SPTBN1: variants seen among roughly 807,000 people sequenced by gnomAD.
The protein encoded by SPTBN1 is spectrin beta, non-erythrocytic 1, also known as spectrin beta chain, non-erythrocytic 1.
Under a neutral mutation model 266.4 loss-of-function variants are expected in SPTBN1, and 32 were observed. The observed-to-expected ratio is 0.12, with a 90% CI of 0.09 to 0.16. The LOEUF is 0.16. Among genes scored for constraint, SPTBN1 ranks in the 10% least tolerant of loss-of-function variants. The pLI is 1.00. For synonymous variants in SPTBN1, 1,336 were observed against 1,162.2 expected, an observed-to-expected ratio of 1.15 and a Z score of -3.04; for missense variants, 2,296 against 3,067.1, an observed-to-expected ratio of 0.75 and a Z score of 5.94.
At position 54,630,036 on chromosome 2, in the gene SPTBN1, A is replaced by G. The variant is rs754546301; in HGVS notation, c.2807+7A>G. The G allele has an allele frequency of 9.9e-6, 16 of 1,612,750 alleles. No homozygotes were observed. On this transcript the variant is annotated splice_region_variant and intron_variant, in intron 15 of 35. Transcript: ENST00000356805. The stretch of plus-strand genomic sequence containing the variant: ...AGGACAAACTCAACACAAGGTGAGC[A>G]CGTGGCCAGCAGTGTGCCAGCCTCC...
At chr2:54,544,973 G>T (rs1233923387) in intron 2 of SPTBN1, among the ~76,000 whole-genome samples, 2 of 152,118 alleles carry the variant, frequency 1.3e-5, no homozygotes, top group African/African-American at 4.8e-5. Context: ...TCCCCGCCCT[G>T]TGTGCATGTG....
In SPTBN1 at chr2:54,558,413, C is replaced by A; in HGVS notation, c.148+31847C>A. Reference sequence around the variant, plus strand: ...GGAGGAGGTGTGCGCGCTGCGCCCGCGAGCTCCCGGGCTCGGCAACCGTGG... The same window carrying A: ...GGAGGAGGTGTGCGCGCTGCGCCCGAGAGCTCCCGGGCTCGGCAACCGTGG... On this transcript the variant is annotated intron_variant, in intron 2 of 35. Coordinates refer to ENST00000356805, the MANE Select transcript of SPTBN1 (RefSeq NM_003128.3). The surrounding 1 kb of genome is among the most constrained non-coding windows in gnomAD (Gnocchi z 4.6). 1 of 1,017,432 alleles carries A rather than the reference C, an allele frequency of 9.8e-7. No homozygotes were observed. Among genetic ancestry groups the A allele is most frequent in the Non-Finnish European group, 1.2e-6 (1 of 850,938 alleles). 63.0% of individuals were successfully genotyped at this position (1,017,432 alleles called of 1,614,324 possible).
intron 1 of SPTBN1, among the ~76,000 whole-genome samples, chr2:54,497,326 G>A (rs111351650): frequency 6.7e-4 from 102 of 152,062 alleles, no homozygotes; most frequent in Non-Finnish European, 1.2e-3. Flanking sequence ...TTTATAACTG[G>A]AACATTTAGC....
intron 2 of SPTBN1, among the ~76,000 whole-genome samples, chr2:54,560,593 A>T (rs898906551): frequency 6.6e-6 from 1 of 152,216 alleles, no homozygotes. Context: ...ATTTTACCTC[A>T]TACGCTGTTT....
intron 2 of SPTBN1, among the ~76,000 whole-genome samples, chr2:54,576,386 A>T (rs1573450928): frequency 6.6e-6 from 1 of 152,034 alleles, no homozygotes; most frequent in Non-Finnish European, 1.5e-5. Context: ...GCTTTGGCCT[A>T]ATTAATAACT....
intron 2 of SPTBN1, among the ~76,000 whole-genome samples, chr2:54,536,635 A>G (rs1487233520): frequency 1.3e-5 from 2 of 152,246 alleles, no homozygotes; most frequent in Non-Finnish European, 2.9e-5. Flanking sequence ...GAAAAAAATC[A>G]TGCTTAGAAA....
chr2:54,509,963 T>C (rs1263251525), intron 1 of SPTBN1, among the ~76,000 whole-genome samples: 2 of 150,452 alleles, frequency 1.3e-5, no homozygotes, highest in Admixed American at 6.6e-5. Context: ...TTTCTTTTTT[T>C]TTTTTTTTTT....
chr2:54,647,150 C>T lies in SPTBN1; in HGVS notation c.4886C>T (p.Ser1629Phe), dbSNP rs1679977062. 1 of 1,614,056 alleles carries T rather than the reference C, an allele frequency of 6.2e-7. No individual in the cohort carries two copies. Among genetic ancestry groups the T allele is most frequent in the African/African-American group, 1.3e-5 (1 of 74,924 alleles). The part of the protein sequence containing the change: ...EKAKDEQSAV[S>F]MLKKHQILEQ... ...TTGCAGGATGAGCAGAGTGCTGTCT[C>T]CATGTTGAAGAAGCACCAGATCTTA... Residue 1629 changes from serine to phenylalanine, a missense_variant, in exon 24 of 36, where the codon TCC becomes TTC. Ser to Phe is a radical substitution (Grantham distance 155). This residue lies in a region of SPTBN1 where 644 missense variants were observed against 745.3 expected (regional missense o/e 0.86). Transcript: ENST00000356805.
At position 54,646,008 on chromosome 2, in the gene SPTBN1, G is replaced by A; in HGVS notation, c.4575G>A (p.Lys1525=). 1.2e-6 allele frequency: 2 copies of A among 1,614,176 alleles called. No individual in the cohort carries two copies. The highest frequency in any genetic ancestry group is 1.7e-6 in the Non-Finnish European group (2 of 1,180,032). Residue 1525 remains lysine, a synonymous_variant, in exon 22 of 36, where the codon AAG becomes AAA. Transcript: ENST00000356805. This position sits in a 1 kb window ranked among gnomAD's most constrained non-coding sequence, Gnocchi z 4.4. Reference sequence around the variant, plus strand: ...TCCAGACTGTGCAGCTGTTAATAAAGAAAAATCAGGTAAGCCTTTCTGCTC... The same window carrying A: ...TCCAGACTGTGCAGCTGTTAATAAAAAAAAATCAGGTAAGCCTTTCTGCTC... ...HNLQTVQLLI[K]KNQTLQKEIQ...
intron 2 of SPTBN1, among the ~76,000 whole-genome samples, chr2:54,585,908 A>T (rs933529324): frequency 6.6e-6 from 1 of 152,190 alleles, no homozygotes; most frequent in African/African-American, 2.4e-5. Context: ...ATAACCGTGG[A>T]TTGGGTCAGC....
In SPTBN1 at chr2:54,558,843, C is replaced by T. The variant is rs1156873811; in HGVS notation, c.148+32277C>T. On this transcript the variant is annotated intron_variant, in intron 2 of 35. Transcript: ENST00000356805. The surrounding 1 kb of genome is among the most constrained non-coding windows in gnomAD (Gnocchi z 4.6). ...TCGCCGGCGTACACGGGGCAGGTGCCTTACAACTACAACCAGCTGGAAGGC... is the reference window on the plus strand; with the variant it reads ...TCGCCGGCGTACACGGGGCAGGTGCTTTACAACTACAACCAGCTGGAAGGC... 2.5e-6 allele frequency: 4 copies of T among 1,613,784 alleles called. No individual in the cohort carries two copies. In the African/African-American group the frequency reaches 4.0e-5, roughly 16 times the overall value.
At chr2:54,495,308 A>T (rs1270436565) in intron 1 of SPTBN1, among the ~76,000 whole-genome samples, 1 of 152,188 alleles carries the variant, frequency 6.6e-6, no homozygotes, top group African/African-American at 2.4e-5. Flanking sequence ...CTCTGGGAAG[A>T]TGAAGAGGCA....
intron 1 of SPTBN1, among the ~76,000 whole-genome samples, chr2:54,518,394 G>A (rs1431162861): frequency 6.7e-6 from 1 of 148,448 alleles, no homozygotes; most frequent in East Asian, 2.0e-4. Flanking sequence ...CACGGCACAC[G>A]TATACATATG....
intron 27 of SPTBN1, among the ~76,000 whole-genome samples, chr2:54,654,416 G>C (rs982133781): frequency 6.6e-6 from 1 of 152,086 alleles, no homozygotes; most frequent in African/African-American, 2.4e-5. Flanking sequence ...GGAACACACA[G>C]GTACATATTT....
At chr2:54,582,513 G>A (rs1465510161) in intron 2 of SPTBN1, among the ~76,000 whole-genome samples, 3 of 149,080 alleles carry the variant, frequency 2.0e-5, no homozygotes, top group Non-Finnish European at 4.4e-5. Context: ...GCAGTGAGCC[G>A]AGATCATGCC....
At chr2:54,582,815 A>G (rs565046787) in intron 2 of SPTBN1, among the ~76,000 whole-genome samples, 2 of 152,204 alleles carry the variant, frequency 1.3e-5, no homozygotes, top group East Asian at 1.9e-4. Context: ...GGGGCTATCA[A>G]GTCAAACTGC....
intron 1 of SPTBN1, among the ~76,000 whole-genome samples, chr2:54,514,567 ATCT>A (rs1670016402): frequency 6.6e-6 from 1 of 152,226 alleles, no homozygotes; most frequent in South Asian, 2.1e-4. Flanking sequence ...AGATGGCTAA[ATCT>A]TCACTGCTCC....
At chr2:54,656,137 A>T (rs937713581) in intron 29 of SPTBN1, 139 bp downstream of exon 29, 1 of 648,932 alleles carries the variant, frequency 1.5e-6, no homozygotes, top group African/African-American at 1.9e-5. Flanking sequence ...CCGTTTCACC[A>T]TTTCATGGTA....
intron 2 of SPTBN1, among the ~76,000 whole-genome samples, chr2:54,579,881 G>C (rs1674761769): frequency 1.3e-5 from 2 of 152,170 alleles, no homozygotes; most frequent in Admixed American, 6.5e-5. Flanking sequence ...TATTGACTTT[G>C]GAAACAGGTT....
Sources: gnomAD v4.1 joint callset for allele counts (sites outside exome capture counted in the v4.1 genomes callset) on GRCh38, gnomAD v4.1.1 for gene constraint, gnomAD v4.1.1 regional missense constraint, Gnocchi (gnomAD v3.1) non-coding constraint, MANE v1.5 for transcripts, NCBI Gene and HGNC (gene_info 2026-07-23, HGNC 2026-07-21) for gene names.